Variants in SLC22A23 observed in about 807,000 individuals in gnomAD.
SLC22A23 encodes the protein ion transporter protein.
In SLC22A23, 26 loss-of-function variants were observed where a neutral mutation model predicts 61.0. The ratio of observed to expected loss-of-function variants is 0.43; its 90% CI spans 0.31 to 0.59. The LOEUF is 0.59. Among genes scored for constraint, SLC22A23 ranks in the 20% least tolerant of loss-of-function variants. SLC22A23 has a pLI of 0.11. For synonymous variants in SLC22A23, 430 were observed against 413.9 expected (o/e 1.04, Z -0.47); for missense variants, 796 against 934.7 (o/e 0.85, Z 1.94).
rs1435761776 is a variant in SLC22A23, at chr6:3,415,862, A to G, written c.655-7T>C. 2.0e-6 allele frequency: 3 copies of G among 1,533,172 alleles called. No individual in the cohort carries two copies. Among genetic ancestry groups the G allele is most frequent in the Non-Finnish European group, 2.7e-6 (3 of 1,129,976 alleles). 95.0% of individuals were successfully genotyped at this position (1,533,172 alleles called of 1,614,324 possible). A position where few individuals can be genotyped will look rare whatever the true frequency, so the allele number is the denominator to read the frequency against. ...TATCACACACAAGATCCCACTAGAG[A>G]GGGGCAAATAGAAAATAAATCAGAG... On this transcript the variant is annotated splice_polypyrimidine_tract_variant and splice_region_variant and intron_variant, in intron 1 of 9. Coordinates refer to ENST00000406686, the MANE Select transcript of SLC22A23 (RefSeq NM_015482.2).
intron 5 of SLC22A23, 114 bp from the exon 6 acceptor site, chr6:3,289,980 GCT>G: frequency 3.7e-6 from 2 of 537,192 alleles, no homozygotes; most frequent in East Asian, 4.0e-5. Context: ...GGAGAGAGAA[GCT>G]TTTTTTTTTT....
intron 4 of SLC22A23, among the ~76,000 whole-genome samples, chr6:3,314,321 G>A (rs1184632784): frequency 1.3e-5 from 2 of 152,184 alleles, no homozygotes; most frequent in East Asian, 3.9e-4. Context: ...AGAACCCCGG[G>A]CTCATTATGT....
intron 3 of SLC22A23, among the ~76,000 whole-genome samples, chr6:3,399,019 A>T (rs948578578): frequency 6.6e-6 from 1 of 151,938 alleles, no homozygotes; most frequent in Non-Finnish European, 1.5e-5. Context: ...ACAGAGCAAG[A>T]CTCTGACTCT....
rs145518186 is a variant in SLC22A23 at position 3,360,947 on chromosome 6, G to C, written c.914-36945C>G. On this transcript the variant is annotated intron_variant, in intron 3 of 9. Transcript: ENST00000406686. The surrounding 1 kb of genome is among the most constrained non-coding windows in gnomAD (Gnocchi z 4.6). ...GCGTGGTACTGGGGTGACGAGAGGC[G>C]CTAGCGAACATCAGCAGCTGCGGGG... Among the ~76,000 whole-genome samples the C allele has an allele frequency of 6.6e-6, 1 of 152,212 alleles. No homozygotes were observed. The highest frequency in any genetic ancestry group is 3.2e-3 in the Middle Eastern group (1 of 316).
At chr6:3,320,814 G>C (rs1008697120) in intron 4 of SLC22A23, among the ~76,000 whole-genome samples, 4 of 152,116 alleles carry the variant, frequency 2.6e-5, no homozygotes, top group African/African-American at 4.8e-5. Flanking sequence ...TATATATTAA[G>C]AGGATGCAAT....
intron 1 of SLC22A23, among the ~76,000 whole-genome samples, chr6:3,424,131 G>C (rs1338424797): frequency 1.3e-5 from 2 of 152,134 alleles, no homozygotes; most frequent in Non-Finnish European, 2.9e-5. Context: ...TTCCGGAAGA[G>C]AGCCAGGGGT....
chr6:3,444,628 T>C (rs79381317), intron 1 of SLC22A23, among the ~76,000 whole-genome samples: 1,837 of 152,326 alleles, frequency 0.012, 51 homozygotes, highest in African/African-American at 0.042. Context: ...CTCCCGGCCT[T>C]GGCTAACCAG....
At chr6:3,347,951 T>C (rs916011771) in intron 3 of SLC22A23, among the ~76,000 whole-genome samples, 17 of 152,206 alleles carry the variant, frequency 1.1e-4, no homozygotes, top group African/African-American at 4.1e-4. Flanking sequence ...GACGCCCTCC[T>C]GTCTCTGCGT....
rs1462749010 is a variant in SLC22A23, at chr6:3,327,236, G to A, written c.914-3234C>T. 1.6e-4 allele frequency among the ~76,000 whole-genome samples: 25 copies of A among 152,352 alleles called. No individual in the cohort carries two copies. The highest frequency in any genetic ancestry group is 8.8e-5 in the Non-Finnish European group (6 of 68,034). ...AGGGAATGATGTCCCCAATCCAACTGCCCCTTCAGGGCCTGGCTACTGTGG... is the reference window on the plus strand; with the variant it reads ...AGGGAATGATGTCCCCAATCCAACTACCCCTTCAGGGCCTGGCTACTGTGG... On this transcript the variant is annotated intron_variant, in intron 3 of 9. Transcript: ENST00000406686. This position sits in a 1 kb window ranked among gnomAD's most constrained non-coding sequence, Gnocchi z 4.1.
intron 1 of SLC22A23, among the ~76,000 whole-genome samples, chr6:3,441,635 C>T (rs1223517267): frequency 1.3e-5 from 2 of 152,222 alleles, no homozygotes; most frequent in Non-Finnish European, 2.9e-5. Context: ...TGCGCCCCTG[C>T]ACCTTGTCCT....
At chr6:3,278,585 C>T (rs902437430) in intron 9 of SLC22A23, among the ~76,000 whole-genome samples, 3 of 152,182 alleles carry the variant, frequency 2.0e-5, no homozygotes, top group Non-Finnish European at 4.4e-5. Context: ...TAATAAATAC[C>T]GGATGCTTGC....
intron 3 of SLC22A23, among the ~76,000 whole-genome samples, chr6:3,336,058 C>T (rs775840196): frequency 7.3e-5 from 11 of 150,738 alleles, no homozygotes; most frequent in South Asian, 2.1e-4. Flanking sequence ...CACTGCTCTC[C>T]GGCCTGGGCG....
intron 9 of SLC22A23, 138 bp downstream of exon 9, chr6:3,283,714 A>G (rs2127308540): frequency 2.0e-6 from 3 of 1,470,886 alleles, no homozygotes; most frequent in Non-Finnish European, 9.2e-7. Flanking sequence ...CAGCCACCTC[A>G]GCTATGAACC....
intron 5 of SLC22A23, among the ~76,000 whole-genome samples, chr6:3,293,902 A>T (rs1760841934): frequency 6.6e-6 from 1 of 152,184 alleles, no homozygotes; most frequent in Non-Finnish European, 1.5e-5. Context: ...GGGCGCTCGG[A>T]TCACACAGAC....
chr6:3,379,393 G>A (rs1480843790), intron 3 of SLC22A23, among the ~76,000 whole-genome samples: 1 of 152,164 alleles, frequency 6.6e-6, no homozygotes, highest in Non-Finnish European at 1.5e-5. Flanking sequence ...AGTTCAGAGT[G>A]TGCTTCTCAT....
chr6:3,290,476 ACATTCATACG>A (rs1760479833), intron 5 of SLC22A23: 1 of 156,766 alleles, frequency 6.4e-6, no homozygotes, highest in Non-Finnish European at 1.4e-5. Flanking sequence ...ATACATGCAC[ACATTCATACG>A]CATGCATATA....
chr6:3,454,354 G>A lies in SLC22A23; in HGVS notation c.654+1552C>T, dbSNP rs143738503. Among the ~76,000 whole-genome samples, 48 of 152,250 alleles carry A rather than the reference G, an allele frequency of 3.2e-4. No homozygotes were observed. In the East Asian group the frequency reaches 6.2e-3, roughly 20 times the overall value. On this transcript the variant is annotated intron_variant, in intron 1 of 9. Coordinates refer to ENST00000406686, the MANE Select transcript of SLC22A23 (RefSeq NM_015482.2). This position sits in a 1 kb window ranked among gnomAD's most constrained non-coding sequence, Gnocchi z 4.3. ...CTGTTTCCTGGGTCCTCACTGCCAA[G>A]GTAATGGCACTCTATCCCATCTCAT...
intron 3 of SLC22A23, among the ~76,000 whole-genome samples, chr6:3,355,093 A>G (rs572612249): frequency 6.6e-6 from 1 of 152,052 alleles, no homozygotes; most frequent in African/African-American, 2.4e-5. Context: ...GCGCCTCTCC[A>G]CATGGCAGTA....
At chr6:3,347,168 C>T (rs532880246) in intron 3 of SLC22A23, among the ~76,000 whole-genome samples, 23 of 152,274 alleles carry the variant, frequency 1.5e-4, no homozygotes, top group African/African-American at 5.3e-4. Context: ...GAAGTTTGAC[C>T]GTGCAGCCAC....
Sources: gnomAD v4.1 joint callset for allele counts (sites outside exome capture counted in the v4.1 genomes callset) on GRCh38, gnomAD v4.1.1 for gene constraint, Gnocchi (gnomAD v3.1) non-coding constraint, MANE v1.5 for transcripts, NCBI Gene and HGNC (gene_info 2026-07-23, HGNC 2026-07-21) for gene names.